The following NRG3 variants were observed in gnomAD, a reference collection of about 807,000 sequenced individuals.
The protein encoded by NRG3 is pro-neuregulin-3, membrane-bound isoform.
A neutral mutation model predicts 66.9 loss-of-function variants in NRG3; 31 were observed. The ratio of observed to expected loss-of-function variants is 0.46; its 90% CI spans 0.35 to 0.63. NRG3 has a LOEUF of 0.63. NRG3 is among the 20% of genes least tolerant of loss of function. The pLI is 0.00. For synonymous variants in NRG3, 393 were observed against 359.4 expected (o/e 1.09, Z -1.06); for missense variants, 910 against 878.9 (o/e 1.04, Z -0.45).
intron 1 of NRG3, among the ~76,000 whole-genome samples, chr10:82,008,090 A>G (rs2061442576): frequency 6.6e-6 from 1 of 152,192 alleles, no homozygotes; most frequent in South Asian, 2.1e-4. Flanking sequence ...TAAAAGTAGC[A>G]AGATCCCATT....
chr10:82,191,506 C>T lies in NRG3; in HGVS notation c.824-167233C>T, dbSNP rs190817251. Among the ~76,000 whole-genome samples, 150 of 152,264 alleles carry T rather than the reference C, an allele frequency of 9.9e-4. 1 individual carries two copies. The highest frequency in any genetic ancestry group is 3.0e-3 in the Admixed American group (46 of 15,294). Reference sequence around the variant, plus strand: ...CTACATTGACAGCTACCCCAATCCCCATTCCAAATTCACATGATGATAAAA... The same window carrying T: ...CTACATTGACAGCTACCCCAATCCCTATTCCAAATTCACATGATGATAAAA... On this transcript the variant is annotated intron_variant, in intron 1 of 8. Coordinates refer to ENST00000372141, the MANE Select transcript of NRG3 (RefSeq NM_001010848.4).
At chr10:82,336,674 C>G (rs2082406039) in intron 1 of NRG3, among the ~76,000 whole-genome samples, 1 of 152,044 alleles carries the variant, frequency 6.6e-6, no homozygotes, top group South Asian at 2.1e-4. Flanking sequence ...AGGTGCCCAC[C>G]ACCACATCTG....
chr10:82,017,387 C>A (rs576233663), intron 1 of NRG3, among the ~76,000 whole-genome samples: 2 of 152,072 alleles, frequency 1.3e-5, no homozygotes, highest in Non-Finnish European at 2.9e-5. Context: ...TGAGTAGTGC[C>A]GCAATAAACA....
chr10:82,079,428 G>A (rs1307124558), intron 1 of NRG3, among the ~76,000 whole-genome samples: 1 of 152,058 alleles, frequency 6.6e-6, no homozygotes, highest in East Asian at 1.9e-4. Flanking sequence ...CCCCACACAT[G>A]CACCACCTTC....
At chr10:82,529,213 A>T (rs928689316) in intron 2 of NRG3, among the ~76,000 whole-genome samples, 2 of 152,170 alleles carry the variant, frequency 1.3e-5, no homozygotes, top group African/African-American at 4.8e-5. Context: ...GCGACTAAGG[A>T]CTGCTAACTC....
chr10:82,424,983 T>A (rs1038892596), intron 2 of NRG3, among the ~76,000 whole-genome samples: 1 of 152,114 alleles, frequency 6.6e-6, no homozygotes, highest in African/African-American at 2.4e-5. Context: ...TCAAATCTAT[T>A]CCATTGATCT....
At chr10:82,065,163 C>T (rs556193084) in intron 1 of NRG3, among the ~76,000 whole-genome samples, 70 of 152,094 alleles carry the variant, frequency 4.6e-4, no homozygotes, top group African/African-American at 1.5e-3. Context: ...TTTTGACTTC[C>T]GTAGGAGACA....
intron 2 of NRG3, among the ~76,000 whole-genome samples, chr10:82,558,794 T>C (rs2044827266): frequency 6.6e-6 from 1 of 152,206 alleles, no homozygotes; most frequent in African/African-American, 2.4e-5. Context: ...AGGTTTGTGT[T>C]GTCTAACAGG....
intron 2 of NRG3, among the ~76,000 whole-genome samples, chr10:82,480,377 T>A (rs957973394): frequency 5.9e-5 from 9 of 152,192 alleles, no homozygotes; most frequent in African/African-American, 2.2e-4. Flanking sequence ...CACCAAAAAG[T>A]CATTTTAAAA....
chr10:82,208,867 GGTTTGTCAATATAATGCACACAGTAA>G (rs2075261276), intron 1 of NRG3, among the ~76,000 whole-genome samples: 1 of 152,082 alleles, frequency 6.6e-6, no homozygotes, highest in South Asian at 2.1e-4. Context: ...TTGGGTAGTT[GGTTTGTCAATATAATGCACACAGTAA>G]TCTCTGAAGA....
intron 1 of NRG3, among the ~76,000 whole-genome samples, chr10:82,082,627 C>CA (rs1310365502): frequency 1.3e-5 from 2 of 152,028 alleles, no homozygotes; most frequent in Admixed American, 1.3e-4. Context: ...ATGAGCCTGA[C>CA]AAAAAATAGA....
chr10:82,628,600 G>A (rs1189673142), intron 2 of NRG3, among the ~76,000 whole-genome samples: 5 of 151,210 alleles, frequency 3.3e-5, no homozygotes, highest in Non-Finnish European at 7.4e-5. Context: ...AACCTTGGTT[G>A]TTGACTTTAC....
intron 1 of NRG3, among the ~76,000 whole-genome samples, chr10:82,036,324 A>C (rs529319567): frequency 2.6e-4 from 39 of 152,272 alleles, no homozygotes; most frequent in African/African-American, 8.4e-4. Context: ...TTAAACCCAA[A>C]GAGTCCTAGT....
chr10:81,933,477 G>A (rs1238345602), intron 1 of NRG3, among the ~76,000 whole-genome samples: 7 of 152,176 alleles, frequency 4.6e-5, no homozygotes, highest in East Asian at 3.9e-4. Flanking sequence ...TGTGCACATC[G>A]TGCAGGTTTG....
intron 4 of NRG3, among the ~76,000 whole-genome samples, chr10:82,894,767 T>G (rs749631707): frequency 1.1e-4 from 16 of 152,102 alleles, no homozygotes; most frequent in Admixed American, 2.6e-4. Flanking sequence ...CTAGGGTGAA[T>G]GTGCAGAATG....
At chr10:82,199,090 A>C (rs1433831048) in intron 1 of NRG3, among the ~76,000 whole-genome samples, 3 of 150,774 alleles carry the variant, frequency 2.0e-5, no homozygotes, top group Non-Finnish European at 4.4e-5. Flanking sequence ...AATTGTTGGA[A>C]CCTGGGAGGC....
intron 1 of NRG3, among the ~76,000 whole-genome samples, chr10:82,334,938 C>T (rs2082314100): frequency 6.6e-6 from 1 of 152,184 alleles, no homozygotes; most frequent in Admixed American, 6.5e-5. Context: ...ATTGATTACA[C>T]ACTACATGTT....
At chr10:82,718,139 C>T (rs1416662102) in intron 2 of NRG3, among the ~76,000 whole-genome samples, 1 of 152,202 alleles carries the variant, frequency 6.6e-6, no homozygotes, top group Non-Finnish European at 1.5e-5. Context: ...TAGCTCCTAT[C>T]TGGTACACCC....
chr10:82,483,412 G>A (rs989135031), intron 2 of NRG3, among the ~76,000 whole-genome samples: 2 of 152,170 alleles, frequency 1.3e-5, no homozygotes, highest in South Asian at 2.1e-4. Context: ...CTCAAACTCC[G>A]TGGACCTTTG....
Sources: allele counts gnomAD v4.1 joint callset (sites outside exome capture counted in the v4.1 genomes callset), GRCh38; gene constraint gnomAD v4.1.1; transcripts MANE v1.5; gene names NCBI Gene and HGNC (gene_info 2026-07-23, HGNC 2026-07-21).